Variants in PKD1 observed in about 807,000 individuals in gnomAD.
PKD1 encodes polycystin 1, transient receptor potential channel interacting.
In PKD1, 81 loss-of-function variants were observed where a neutral mutation model predicts 361.7. The observed-to-expected ratio is 0.22, with a 90% CI of 0.19 to 0.27. The LOEUF is 0.27. Ranked by LOEUF, PKD1 falls within the 10% of genes least tolerant of loss-of-function variation. The probability of loss-of-function intolerance (pLI) is 1.00; values close to 1 mark genes in which losing one functional copy is unlikely to be tolerated. For missense variants in PKD1, 6,399 were observed against 6,118.3 expected (o/e 1.05, Z -1.53); for synonymous variants, 3,615 against 2,818.3 (o/e 1.28, Z -8.95).
rs554071267 is a variant in PKD1 at position 2,118,071 on chromosome 16, G to A, written c.921C>T (p.Phe307=). Residue 307 remains phenylalanine, a synonymous_variant, in exon 5 of 46, where the codon TTC becomes TTT. Transcript: ENST00000262304. The surrounding 1 kb of genome is among the most constrained non-coding windows in gnomAD (Gnocchi z 6.0). Reference sequence around the variant, plus strand: ...CATCCACCTCGGCGGAGCCGTCTCCGAAGTCCCAGCGTGTGGCAGTGACAG... The same window carrying A: ...CATCCACCTCGGCGGAGCCGTCTCCAAAGTCCCAGCGTGTGGCAGTGACAG... ...PLPVTATRWD[F]GDGSAEVDAA... is the part of the protein sequence containing the mutation. 2.3e-5 allele frequency: 37 copies of A among 1,606,290 alleles called. No individual in the cohort carries two copies. Among genetic ancestry groups the A allele is most frequent in the South Asian group, 1.8e-4 (16 of 90,910 alleles).
Position 2,114,232 on chromosome 16 carries a change from G to A in PKD1, c.2791C>T (p.Pro931Ser). ...GGCGTGGCGCGGAGGCCACAGATGGGCTCCTCCGCCGTCACCCGCAGGCTG... is the reference window on the plus strand; with the variant it reads ...GGCGTGGCGCGGAGGCCACAGATGGACTCCTCCGCCGTCACCCGCAGGCTG... ...NLSLRVTAEE[P>S]ICGLRATPSP... Residue 931 changes from proline (P) to serine (S), a missense_variant, in exon 11 of 46, where the codon CCC becomes TCC. Pro to Ser is a moderately conservative substitution (Grantham distance 74). Transcript: ENST00000262304. 6.2e-7 allele frequency: 1 copy of A among 1,609,576 alleles called. No individual in the cohort carries two copies. The highest frequency in any genetic ancestry group is 1.1e-5 in the South Asian group (1 of 90,966).
intron 39 of PKD1, 112 bp downstream of exon 39, chr16:2,092,368 G>A: frequency 1.0e-6 from 1 of 963,056 alleles, no homozygotes; most frequent in East Asian, 2.6e-5. Context: ...GCGGTGTTAA[G>A]AGGGCAAAGG....
rs1194716694 is a variant in PKD1 at position 2,111,610 on chromosome 16, G to C, written c.3557C>G (p.Thr1186Ser). The C allele has an allele frequency of 6.4e-7, 1 of 1,574,346 alleles. No individual in the cohort carries two copies. The highest frequency in any genetic ancestry group is 8.6e-7 in the Non-Finnish European group (1 of 1,161,160). The stretch of plus-strand genomic sequence containing the variant: ...GTTGACCTCCAGGCGCACGTGGTAG[G>C]TGCCCCTCGAGGCATAGGTGTGGTT... ...AANHTYASRG[T>S]YHVRLEVNNT... The change falls in exon 15 of 46, where the codon ACC becomes AGC. Residue 1186 changes from threonine to serine, a missense_variant. Physicochemically the swap from Thr to Ser is moderately conservative, Grantham distance 58. Coordinates refer to ENST00000262304, the MANE Select transcript of PKD1 (RefSeq NM_001009944.3).
chr16:2,118,135 G>C lies in PKD1; in HGVS notation c.857C>G (p.Ser286Cys), dbSNP rs1265795114. The C allele has an allele frequency of 1.1e-5, 18 of 1,597,722 alleles. No homozygotes were observed. The highest frequency in any genetic ancestry group is 2.2e-5 in the South Asian group (2 of 89,764). ...GATGTGGAAGGCTGCTAGCTGGCCA[G>C]AGGCCAGAGGTCCGTGGGGCCCCAC... is the stretch of plus-strand genomic sequence containing the variant. The part of the protein sequence containing the change: ...TLVGPHGPLA[S>C]GQLAAFHIAA... The change falls in exon 5 of 46, where the codon TCT becomes TGT. Residue 286 changes from serine to cysteine, a missense_variant. Physicochemically the swap from Ser to Cys is moderately radical, Grantham distance 112. Transcript: ENST00000262304. The surrounding 1 kb of genome is among the most constrained non-coding windows in gnomAD (Gnocchi z 6.0).
At chr16:2,098,193 T>G (rs907230442) in intron 30 of PKD1, 1 of 599,004 alleles carries the variant, frequency 1.7e-6, no homozygotes, top group Non-Finnish European at 3.0e-6. Flanking sequence ...CTGGTGCAGC[T>G]AAGGAACAGA....
At chr16:2,092,721 G>C (rs899401002) in intron 38 of PKD1, 129 bp from the exon 39 acceptor site, 2 of 849,770 alleles carry the variant, frequency 2.4e-6, no homozygotes, top group Non-Finnish European at 3.9e-6. Flanking sequence ...GGGCTTCTCA[G>C]CCTTATCCTG....
In PKD1 at chr16:2,091,986, A is replaced by C. The variant is rs562214956; in HGVS notation, c.11411+61T>G. Reference sequence around the variant, plus strand: ...GCCAGGCTGGTCAGGAGGCCGCGGCACTCCTGGAGAACTACTCCCTTGTCC... The same window carrying C: ...GCCAGGCTGGTCAGGAGGCCGCGGCCCTCCTGGAGAACTACTCCCTTGTCC... On this transcript the variant is annotated intron_variant, in intron 40 of 45. Coordinates refer to ENST00000262304, the MANE Select transcript of PKD1 (RefSeq NM_001009944.3). 4.3e-5 allele frequency: 69 copies of C among 1,611,582 alleles called. 2 individuals are homozygous for C. The South Asian group carries it at 7.2e-4, about 17-fold the overall frequency.
chr16:2,123,561 C>T (rs1474442368), intron 1 of PKD1: 14 of 455,052 alleles, frequency 3.1e-5, no homozygotes, highest in African/African-American at 2.8e-4. Context: ...CGCGCCAGCC[C>T]CCCCACCCCG....
In PKD1 at chr16:2,112,385, G is replaced by C. The variant is rs1373028227; in HGVS notation, c.3250C>G (p.Gln1084Glu). 1 of 1,586,928 alleles carries C rather than the reference G, an allele frequency of 6.3e-7. No individual in the cohort carries two copies. Among genetic ancestry groups the C allele is most frequent in the East Asian group, 2.2e-5 (1 of 44,840 alleles). ...SFPVPDPSVA[Q>E]VLVEHNVMHT... The stretch of plus-strand genomic sequence containing the variant: ...ATGACATTGTGCTCCACCAGCACCT[G>C]GGCCACCGAGGGGTCTGGAACCGGG... The change falls in exon 14 of 46, where the codon CAG becomes GAG. Residue 1084 changes from glutamine (Q) to glutamate (E), a missense_variant. Coordinates refer to ENST00000262304, the MANE Select transcript of PKD1 (RefSeq NM_001009944.3).
chr16:2,103,382 T>C lies in PKD1; in HGVS notation c.8675A>G (p.Asn2892Ser). Residue 2892 changes from asparagine to serine, a missense_variant, in exon 23 of 46, where the codon AAC becomes AGC. Physicochemically the swap from Asn to Ser is conservative, Grantham distance 46. Transcript: ENST00000262304. ...WAARGHRSSA[N>S]SANSVVVQPQ... ...CTGGACCACAACGGAGTTGGCGGAG[T>C]TGGCGGAGCTGCGGTGGCCCCGGGC... The C allele has an allele frequency of 2.5e-6, 4 of 1,601,102 alleles. No homozygotes were observed. The highest frequency in any genetic ancestry group is 3.4e-6 in the Non-Finnish European group (4 of 1,179,508).
In PKD1 at chr16:2,090,731, C is replaced by A; in HGVS notation, c.12081G>T (p.Leu4027=). The A allele has an allele frequency of 6.2e-7, 1 of 1,612,654 alleles. No homozygotes were observed. The highest frequency in any genetic ancestry group is 2.2e-5 in the East Asian group (1 of 44,872). Residue 4027 remains leucine, a synonymous_variant, in exon 44 of 46, where the codon CTG becomes CTT. Coordinates refer to ENST00000262304, the MANE Select transcript of PKD1 (RefSeq NM_001009944.3). ...GCACCACCAGGCCCAAGGTGACCCC[C>A]AGGAGCTCTGGCAGAGCTCGGCATA... ...KTLCRALPEL[L]GVTLGLVVLG...
In PKD1 at chr16:2,092,561, C is replaced by A. The variant is rs375663943; in HGVS notation, c.11188G>T (p.Val3730Leu). ...SEELWPWMAH[V>L]LLPYVHGNQS... is the part of the protein sequence containing the mutation. ...TTCCCGTGGACGTAGGGCAGCAGCA[C>A]GTGGGCCATCCATGGCCAGAGCTCC... Residue 3730 changes from valine to leucine, a missense_variant, in exon 39 of 46, where the codon GTG becomes TTG. Physicochemically the swap from Val to Leu is conservative, Grantham distance 32. Coordinates refer to ENST00000262304, the MANE Select transcript of PKD1 (RefSeq NM_001009944.3). The A allele has an allele frequency of 6.2e-7, 1 of 1,612,136 alleles. No homozygotes were observed. Among genetic ancestry groups the A allele is most frequent in the Non-Finnish European group, 8.5e-7 (1 of 1,179,676 alleles).
intron 34 of PKD1, among the ~76,000 whole-genome samples, chr16:2,095,703 T>A (rs1322213692): frequency 6.6e-6 from 1 of 152,214 alleles, no homozygotes; most frequent in Non-Finnish European, 1.5e-5. Context: ...GCCTCCGACC[T>A]GGTCAGCCCG....
Position 2,109,821 on chromosome 16 carries a change from C to T in PKD1, c.5346G>A (p.Thr1782=), listed in dbSNP as rs1395812804. 7.5e-6 allele frequency: 12 copies of T among 1,610,516 alleles called. No homozygotes were observed. Among genetic ancestry groups the T allele is most frequent in the South Asian group, 3.3e-5 (3 of 90,990 alleles). The change falls in exon 15 of 46, where the codon ACG becomes ACA. Residue 1782 remains threonine, a synonymous_variant. Coordinates refer to ENST00000262304, the MANE Select transcript of PKD1 (RefSeq NM_001009944.3). The part of the protein sequence containing the change: ...PTPGLHLVTM[T]AGNPLGSANA... Reference sequence around the variant, plus strand: ...TGGCTGAGCCCAGCGGGTTCCCTGCCGTCATGGTGACCAAGTGCAGGCCGG... The same window carrying T: ...TGGCTGAGCCCAGCGGGTTCCCTGCTGTCATGGTGACCAAGTGCAGGCCGG...
chr16:2,127,144 C>G (rs1480076346), intron 1 of PKD1, among the ~76,000 whole-genome samples: 1 of 152,214 alleles, frequency 6.6e-6, no homozygotes, highest in Non-Finnish European at 1.5e-5. Flanking sequence ...CCACCAGCGA[C>G]AGCGCACACC....
chr16:2,112,087 G>A (rs2092526360), intron 14 of PKD1, among the ~76,000 whole-genome samples: 1 of 152,244 alleles, frequency 6.6e-6, no homozygotes, highest in Non-Finnish European at 1.5e-5. Context: ...AAGTGCAGCT[G>A]CACTCGGGGC....
At chr16:2,107,747 T>C (rs994579489) in intron 16 of PKD1, 136 bp downstream of exon 16, 16 of 810,794 alleles carry the variant, frequency 2.0e-5, no homozygotes, top group Middle Eastern at 6.8e-4. Context: ...CAGGCTGTCG[T>C]GTTACATAGA....
rs990994932 is a variant in PKD1 at position 2,097,384 on chromosome 16, C to A, written c.10340G>T (p.Gly3447Val). The A allele has an allele frequency of 1.9e-6, 3 of 1,611,336 alleles. No homozygotes were observed. The highest frequency in any genetic ancestry group is 1.1e-5 in the South Asian group (1 of 91,086). ...LARGQAGHGL[G>V]PEEDGFSLAS... The stretch of plus-strand genomic sequence containing the variant: ...CAGGGAGAAGCCGTCCTCCTCTGGG[C>A]CCAGCCCATGGCCCGCCTGGCCCCG... Residue 3447 changes from glycine (G) to valine (V), a missense_variant, in exon 33 of 46, where the codon GGC becomes GTC. Gly to Val is a moderately radical substitution (Grantham distance 109, BLOSUM62 -3). Transcript: ENST00000262304.
Position 2,106,975 on chromosome 16 carries a change from A to T in PKD1, c.7066-27T>A, listed in dbSNP as rs1251947595. On this transcript the variant is annotated intron_variant, in intron 16 of 45. Transcript: ENST00000262304. The surrounding 1 kb of genome is among the most constrained non-coding windows in gnomAD (Gnocchi z 6.5). ...TGGCGTGGGAGTGGGGTTACCTCCA[A>T]CACAGGTCTATTTGGCCTGCTGGAA... is the stretch of plus-strand genomic sequence containing the variant. 6.3e-7 allele frequency: 1 copy of T among 1,576,824 alleles called. No individual in the cohort carries two copies. Among genetic ancestry groups the T allele is most frequent in the South Asian group, 1.1e-5 (1 of 90,636 alleles).
Sources: gnomAD v4.1 joint callset for allele counts (sites outside exome capture counted in the v4.1 genomes callset) on GRCh38, gnomAD v4.1.1 for gene constraint, Gnocchi (gnomAD v3.1) non-coding constraint, MANE v1.5 for transcripts, NCBI Gene and HGNC (gene_info 2026-07-23, HGNC 2026-07-21) for gene names.